Variants in TNS3 observed in about 807,000 individuals in gnomAD.
TNS3 encodes tensin-3.
Under a neutral mutation model 140.9 loss-of-function variants are expected in TNS3, and 45 were observed. That is an observed-to-expected ratio of 0.32 (90% confidence interval 0.25 to 0.41). The LOEUF is 0.41. Among genes scored for constraint, TNS3 ranks in the 10% least tolerant of loss-of-function variants. The pLI, the probability that TNS3 is intolerant of heterozygous loss-of-function variation, is 1.00. For missense variants in TNS3, 1,716 were observed against 1,906.7 expected (o/e 0.90, Z 1.86); for synonymous variants, 815 against 788.4 (o/e 1.03, Z -0.56).
Position 47,322,479 on chromosome 7 carries a change from G to A in TNS3, c.2651-17476C>T, listed in dbSNP as rs535565541. ...GGAGGTTGCAGTGAGCCAAGATCGC[G>A]CCACTGCACTCCAGCCTGGGTGACA... On this transcript the variant is annotated intron_variant, in intron 20 of 30. Transcript: ENST00000311160. 2.6e-3 allele frequency among the ~76,000 whole-genome samples: 401 copies of A among 151,990 alleles called. 4 individuals carry two copies. In the Middle Eastern group the frequency reaches 0.031, roughly 12 times the overall value.
At chr7:47,459,157 A>T (rs1162716244) in intron 4 of TNS3, among the ~76,000 whole-genome samples, 1 of 152,054 alleles carries the variant, frequency 6.6e-6, no homozygotes, top group Non-Finnish European at 1.5e-5. Context: ...CAAATTTCCC[A>T]CTCTTATGAA....
chr7:47,540,761 G>A lies in TNS3; in HGVS notation c.-264-11614C>T, dbSNP rs549576945. Among the ~76,000 whole-genome samples, 19 of 152,308 alleles carry A rather than the reference G, an allele frequency of 1.2e-4. No individual in the cohort carries two copies. The East Asian group carries it at 1.4e-3, about 11-fold the overall frequency. The stretch of plus-strand genomic sequence containing the variant: ...GGAGAGGCAAGGGTGGTAAAGCGCC[G>A]TATTTTTGGTGAACTGGCCAAAGGC... On this transcript the variant is annotated intron_variant, in intron 1 of 30. Transcript: ENST00000311160.
At chr7:47,579,509 T>C (rs1784481144) in intron 1 of TNS3, 1 of 152,206 alleles carries the variant, frequency 6.6e-6, no homozygotes, top group South Asian at 2.1e-4. Flanking sequence ...TCAGCAAATG[T>C]CTCTGGCTTC....
intron 20 of TNS3, among the ~76,000 whole-genome samples, chr7:47,331,845 T>C (rs1788359951): frequency 6.6e-6 from 1 of 152,176 alleles, no homozygotes; most frequent in African/African-American, 2.4e-5. Context: ...TAAAATGTGA[T>C]AGAATTTAAA....
At chr7:47,516,637 G>A (rs914045400) in intron 2 of TNS3, among the ~76,000 whole-genome samples, 1 of 152,116 alleles carries the variant, frequency 6.6e-6, no homozygotes, top group African/African-American at 2.4e-5. Context: ...CCCCTACCCT[G>A]CTAATGCCCC....
rs903097589 is a variant in TNS3 at position 47,356,014 on chromosome 7, G to T, written c.2282-9658C>A. Among the ~76,000 whole-genome samples the T allele has an allele frequency of 7.2e-5, 11 of 152,304 alleles. No individual in the cohort carries two copies. In the Middle Eastern group the frequency reaches 0.01, roughly 141 times the overall value. On this transcript the variant is annotated intron_variant, in intron 17 of 30. Transcript: ENST00000311160. Reference sequence around the variant, plus strand: ...CCTGGTGAAATAAAGCCAGCACCCAGGTGGAAGGCAGCCCATGGGGTCGCC... The same window carrying T: ...CCTGGTGAAATAAAGCCAGCACCCATGTGGAAGGCAGCCCATGGGGTCGCC...
intron 27 of TNS3, among the ~76,000 whole-genome samples, chr7:47,290,927 A>G (rs1257115270): frequency 6.6e-6 from 1 of 152,160 alleles, no homozygotes; most frequent in African/African-American, 2.4e-5. Context: ...ACCTGAAAGC[A>G]CCCACAATGT....
chr7:47,556,095 G>A (rs950045591), intron 1 of TNS3, among the ~76,000 whole-genome samples: 29 of 152,198 alleles, frequency 1.9e-4, no homozygotes, highest in South Asian at 2.1e-4. Context: ...ACACACATAC[G>A]CATATAAACA....
chr7:47,553,788 T>C (rs1447412993), intron 1 of TNS3, among the ~76,000 whole-genome samples: 2 of 151,908 alleles, frequency 1.3e-5, no homozygotes, highest in African/African-American at 4.8e-5. Flanking sequence ...GACTTTCAAC[T>C]CTTACTTTTT....
intron 10 of TNS3, among the ~76,000 whole-genome samples, chr7:47,420,952 G>T (rs147985651): frequency 8.5e-5 from 13 of 152,084 alleles, no homozygotes; most frequent in African/African-American, 3.1e-4. Flanking sequence ...ACATTTGTTT[G>T]GTCTGTCTTC....
chr7:47,551,151 C>T (rs660873), intron 1 of TNS3, among the ~76,000 whole-genome samples: 62,173 of 152,122 alleles, frequency 0.41, 13,315 homozygotes, highest in Non-Finnish European at 0.48. Context: ...CTCGGAGTGC[C>T]CCTGCTTCTT....
At chr7:47,420,619 T>C (rs942637176) in intron 10 of TNS3, among the ~76,000 whole-genome samples, 2 of 152,142 alleles carry the variant, frequency 1.3e-5, no homozygotes, top group African/African-American at 4.8e-5. Flanking sequence ...GCACAAGACA[T>C]GGGAAGTGGG....
chr7:47,495,697 T>A (rs1405964138), intron 3 of TNS3, among the ~76,000 whole-genome samples: 2 of 152,054 alleles, frequency 1.3e-5, no homozygotes, highest in African/African-American at 2.4e-5. Flanking sequence ...TGCCAGAAAG[T>A]CCCGGAGATA....
rs372803807 is a variant in TNS3 at position 47,472,872 on chromosome 7, C to G, written c.-76+8231G>C. Among the ~76,000 whole-genome samples the G allele has an allele frequency of 2.0e-5, 3 of 152,294 alleles. No homozygotes were observed. In the East Asian group the frequency reaches 5.8e-4, roughly 29 times the overall value. On this transcript the variant is annotated intron_variant, in intron 4 of 30. Coordinates refer to ENST00000311160, the MANE Select transcript of TNS3 (RefSeq NM_022748.12). ...GACCCTGAGCCGTTGTTGTTCAGGA[C>G]GCAGCAGCTGGGAGATGGGGGTGAG...
At chr7:47,414,242 G>T (rs1793950330) in intron 11 of TNS3, among the ~76,000 whole-genome samples, 1 of 152,152 alleles carries the variant, frequency 6.6e-6, no homozygotes, top group Non-Finnish European at 1.5e-5. Flanking sequence ...CTGAAGTGAA[G>T]CCAAGCTGCT....
chr7:47,450,493 A>G (rs1212987107), intron 4 of TNS3, among the ~76,000 whole-genome samples: 1 of 152,242 alleles, frequency 6.6e-6, no homozygotes, highest in Non-Finnish European at 1.5e-5. Flanking sequence ...CAAGTACTGA[A>G]AACGGTAATA....
chr7:47,575,026 G>A (rs976417193), intron 1 of TNS3, among the ~76,000 whole-genome samples: 1 of 152,124 alleles, frequency 6.6e-6, no homozygotes, highest in Non-Finnish European at 1.5e-5. Flanking sequence ...TGTTATGCAT[G>A]TTTTACCAAA....
intron 20 of TNS3, among the ~76,000 whole-genome samples, chr7:47,316,094 TTCTC>T (rs56939479): frequency 0.04 from 4,250 of 105,524 alleles, 90 homozygotes; most frequent in East Asian, 0.1. Context: ...AACTAACTAT[TTCTC>T]TCTCTCTCTC....
intron 8 of TNS3, among the ~76,000 whole-genome samples, chr7:47,430,331 T>C (rs1794868465): frequency 1.3e-5 from 2 of 152,046 alleles, no homozygotes; most frequent in Admixed American, 6.6e-5. Context: ...GCTTGCTCCA[T>C]GTTAGTCAGG....
Sources: gnomAD v4.1 joint callset for allele counts (sites outside exome capture counted in the v4.1 genomes callset) on GRCh38, gnomAD v4.1.1 for gene constraint, MANE v1.5 for transcripts, NCBI Gene and HGNC (gene_info 2026-07-23, HGNC 2026-07-21) for gene names.